The following RBFOX1 variants were observed in gnomAD, a reference collection of about 807,000 sequenced individuals.
RBFOX1 encodes the protein RNA binding protein fox-1 homolog 1.
Under a neutral mutation model 57.7 loss-of-function variants are expected in RBFOX1, and 8 were observed. The observed-to-expected ratio is 0.14, with a 90% confidence interval of 0.08 to 0.25. The LOEUF (loss-of-function observed/expected upper bound fraction) is 0.25. Among genes scored for constraint, RBFOX1 ranks in the 10% least tolerant of loss-of-function variants. The probability of loss-of-function intolerance (pLI) is 1.00; values close to 1 mark genes in which losing one functional copy is unlikely to be tolerated. For missense variants in RBFOX1, 611 were observed against 548.5 expected, an observed-to-expected ratio of 1.11 and a Z score of -1.14; for synonymous variants, 326 against 222.4, an observed-to-expected ratio of 1.47 and a Z score of -4.15.
chr16:5,409,373 A>G (rs1368116912), intron 1 of RBFOX1, among the ~76,000 whole-genome samples: 2 of 152,206 alleles, frequency 1.3e-5, no homozygotes, highest in South Asian at 4.1e-4. Flanking sequence ...ACCCTCTTCC[A>G]GCCTAAAAGA....
At chr16:6,644,010 C>A (rs915009646) in intron 2 of RBFOX1, among the ~76,000 whole-genome samples, 6 of 152,068 alleles carry the variant, frequency 3.9e-5, no homozygotes, top group African/African-American at 1.2e-4. Context: ...CCTGTAATCC[C>A]AGCTACTAGG....
At chr16:5,722,756 C>A (rs987511516) in intron 3 of RBFOX1, among the ~76,000 whole-genome samples, 2 of 152,308 alleles carry the variant, frequency 1.3e-5, no homozygotes, top group Non-Finnish European at 1.5e-5. Flanking sequence ...ATATTCCCTG[C>A]CTGGCTTACT....
rs562889712 is a variant in RBFOX1 at position 6,879,551 on chromosome 16, C to G, written c.-15-172506C>G. On this transcript the variant is annotated intron_variant, in intron 3 of 15. Coordinates refer to ENST00000550418, the MANE Select transcript of RBFOX1 (RefSeq NM_018723.4). ...TAGGTTAATGAGATTATTCACTATACAGGTAGATTCAACATAAGTTTCCAT... is the reference window on the plus strand; with the variant it reads ...TAGGTTAATGAGATTATTCACTATAGAGGTAGATTCAACATAAGTTTCCAT... Among the ~76,000 whole-genome samples the G allele has an allele frequency of 2.6e-5, 4 of 152,302 alleles. No homozygotes were observed. In the South Asian group the frequency reaches 8.3e-4, roughly 32 times the overall value.
At chr16:5,353,576 A>G (rs934064461) in intron 1 of RBFOX1, among the ~76,000 whole-genome samples, 1 of 152,088 alleles carries the variant, frequency 6.6e-6, no homozygotes, top group African/African-American at 2.4e-5. Context: ...TCGTTTTGGC[A>G]GGAGGACTAC....
intron 3 of RBFOX1, among the ~76,000 whole-genome samples, chr16:6,959,147 C>G (rs1158988430): frequency 6.6e-6 from 1 of 152,018 alleles, no homozygotes; most frequent in East Asian, 1.9e-4. Flanking sequence ...CTTTTTCAGA[C>G]TACGATGGAT....
chr16:5,646,455 G>A (rs2049058149), intron 3 of RBFOX1, among the ~76,000 whole-genome samples: 1 of 152,144 alleles, frequency 6.6e-6, no homozygotes, highest in South Asian at 2.1e-4. Flanking sequence ...TCCCAGCACA[G>A]TGCTTGTCAT....
chr16:6,365,873 C>G (rs1432673128), intron 2 of RBFOX1, among the ~76,000 whole-genome samples: 1 of 152,140 alleles, frequency 6.6e-6, no homozygotes, highest in Non-Finnish European at 1.5e-5. Context: ...GTGTTTAACT[C>G]AATACCTAGA....
intron 4 of RBFOX1, among the ~76,000 whole-genome samples, chr16:7,223,588 C>A (rs547594463): frequency 1.3e-5 from 2 of 152,130 alleles, no homozygotes; most frequent in Non-Finnish European, 2.9e-5. Context: ...ATCCAACTCA[C>A]ATCCACCTCA....
intron 3 of RBFOX1, among the ~76,000 whole-genome samples, chr16:6,941,483 T>G (rs1200904318): frequency 1.3e-5 from 2 of 151,888 alleles, no homozygotes; most frequent in African/African-American, 4.8e-5. Context: ...TGCCGTAAAC[T>G]TTTGATCTAT....
intron 4 of RBFOX1, among the ~76,000 whole-genome samples, chr16:7,497,305 G>A (rs1160242429): frequency 5.3e-5 from 8 of 152,082 alleles, no homozygotes; most frequent in Non-Finnish European, 1.0e-4. Context: ...TTTATGCCCT[G>A]ATGCTGAGTG....
intron 10 of RBFOX1, among the ~76,000 whole-genome samples, chr16:7,612,850 G>C (rs1158139863): frequency 1.3e-5 from 2 of 152,096 alleles, no homozygotes; most frequent in Non-Finnish European, 2.9e-5. Flanking sequence ...TATCATATCT[G>C]CCAACTCATT....
At chr16:5,979,705 T>A (rs1272970526) in intron 4 of RBFOX1, among the ~76,000 whole-genome samples, 1 of 152,002 alleles carries the variant, frequency 6.6e-6, no homozygotes, top group African/African-American at 2.4e-5. Flanking sequence ...CTACTAAAAA[T>A]ACAAAAATTA....
chr16:6,788,666 G>A (rs999454492), intron 3 of RBFOX1, among the ~76,000 whole-genome samples: 1 of 151,628 alleles, frequency 6.6e-6, no homozygotes, highest in African/African-American at 2.4e-5. Flanking sequence ...TAGTAGAGAC[G>A]GGGTTTCACC....
chr16:7,118,987 T>G (rs1197503603), intron 4 of RBFOX1, among the ~76,000 whole-genome samples: 1 of 152,128 alleles, frequency 6.6e-6, no homozygotes, highest in Non-Finnish European at 1.5e-5. Context: ...TGTACTTGCT[T>G]AGTCAGTTCT....
chr16:6,910,247 C>T (rs1321602960), intron 3 of RBFOX1, among the ~76,000 whole-genome samples: 1 of 152,092 alleles, frequency 6.6e-6, no homozygotes, highest in Non-Finnish European at 1.5e-5. Flanking sequence ...TTCACATTTG[C>T]AGTTCAGGCA....
chr16:6,679,878 G>GGTTTTTT (rs1487919870), intron 3 of RBFOX1, among the ~76,000 whole-genome samples: 6 of 114,302 alleles, frequency 5.2e-5, no homozygotes, highest in Admixed American at 9.2e-5. Context: ...GTTTCTACTT[G>GGTTTTTT]TTTTTTTTTT....
chr16:7,610,938 A>G (rs1221625943), intron 10 of RBFOX1, among the ~76,000 whole-genome samples: 2 of 151,640 alleles, frequency 1.3e-5, no homozygotes, highest in Non-Finnish European at 2.9e-5. Flanking sequence ...TTTATCTTGC[A>G]ATTCTGAGTG....
At chr16:5,688,338 T>C (rs554571786) in intron 3 of RBFOX1, among the ~76,000 whole-genome samples, 11 of 152,228 alleles carry the variant, frequency 7.2e-5, no homozygotes, top group Non-Finnish European at 1.5e-4. Flanking sequence ...ACAAGAATTT[T>C]ATATCAGTGA....
chr16:6,679,878 G>GTTTTTTT lies in RBFOX1; in HGVS notation c.-16+25249_-16+25255dup, dbSNP rs71145274. On this transcript the variant is annotated intron_variant, in intron 3 of 15. Coordinates refer to ENST00000550418, the MANE Select transcript of RBFOX1 (RefSeq NM_018723.4). ...CTACATAAAGCCATAGTTTCTACTT[G>GTTTTTTT]TTTTTTTTTTTTTTTTTTTTTTTTT... is the stretch of plus-strand genomic sequence containing the variant. Among the ~76,000 whole-genome samples, 70 of 114,292 alleles carry GTTTTTTT rather than the reference G, an allele frequency of 6.1e-4. 2 individuals carry two copies. Among genetic ancestry groups the GTTTTTTT allele is most frequent in the South Asian group, 2.5e-3 (9 of 3,598 alleles). 75.0% of individuals were successfully genotyped at this position (114,292 alleles called of 152,430 possible).
Sources: allele counts gnomAD v4.1 joint callset (sites outside exome capture counted in the v4.1 genomes callset), GRCh38; gene constraint gnomAD v4.1.1; transcripts MANE v1.5; gene names NCBI Gene and HGNC (gene_info 2026-07-23, HGNC 2026-07-21).